WDR35: variants seen among roughly 807,000 people sequenced by gnomAD.
WDR35 encodes WD repeat domain 35, also known as WD repeat-containing protein 35.
WDR35 carries 118 observed loss-of-function variants against 158.3 expected under a neutral mutation model. The ratio of observed to expected loss-of-function variants is 0.75; its 90% CI spans 0.64 to 0.87. The LOEUF is 0.87. WDR35 is among the 40% of genes least tolerant of loss of function. The probability of loss-of-function intolerance (pLI) is 0.00; values close to 1 mark genes in which losing one functional copy is unlikely to be tolerated. For synonymous variants in WDR35, 448 were observed against 476.1 expected (o/e 0.94, Z 0.77); for missense variants, 1,263 against 1,405.8 (o/e 0.90, Z 1.62).
intron 4 of WDR35, among the ~76,000 whole-genome samples, chr2:19,980,415 T>TA (rs1477389638): frequency 6.6e-6 from 1 of 152,150 alleles, no homozygotes; most frequent in African/African-American, 2.4e-5. Context: ...AAAAAAGACT[T>TA]ATCTCAAGTA....
chr2:19,935,820 C>A (rs958615775), intron 20 of WDR35, among the ~76,000 whole-genome samples: 2 of 151,934 alleles, frequency 1.3e-5, no homozygotes, highest in South Asian at 2.1e-4. Context: ...GAAATACCAC[C>A]GCTTTACTCC....
chr2:19,972,179 G>A (rs1195304399), intron 8 of WDR35, among the ~76,000 whole-genome samples: 4 of 152,098 alleles, frequency 2.6e-5, no homozygotes, highest in Non-Finnish European at 1.5e-5. Flanking sequence ...CTTCCATCCA[G>A]GTTATCTTTC....
intron 2 of WDR35, among the ~76,000 whole-genome samples, chr2:19,984,509 A>G (rs544620554): frequency 6.6e-6 from 1 of 152,384 alleles, no homozygotes; most frequent in African/African-American, 2.4e-5. Context: ...CTTGGATTTA[A>G]AAGGCATAAT....
chr2:19,981,432 A>C (rs1410550067), intron 3 of WDR35, among the ~76,000 whole-genome samples: 2 of 152,216 alleles, frequency 1.3e-5, no homozygotes, highest in Non-Finnish European at 2.9e-5. Flanking sequence ...TGTCCAAATA[A>C]TGTCCTTTAT....
chr2:19,970,346 C>T (rs775276413), intron 8 of WDR35, among the ~76,000 whole-genome samples: 8 of 152,168 alleles, frequency 5.3e-5, no homozygotes, highest in Admixed American at 2.6e-4. Flanking sequence ...TCACAACCAA[C>T]GAGTCACCAA....
At chr2:19,939,356 T>A (rs550979595) in intron 17 of WDR35, among the ~76,000 whole-genome samples, 2 of 152,304 alleles carry the variant, frequency 1.3e-5, no homozygotes, top group East Asian at 3.9e-4. Context: ...AAGAATGTTA[T>A]CTTTTAGAGT....
chr2:19,988,174 A>C (rs540245044), intron 2 of WDR35, among the ~76,000 whole-genome samples: 25 of 152,300 alleles, frequency 1.6e-4, no homozygotes, highest in African/African-American at 5.8e-4. Context: ...CAGAGCCTCA[A>C]TTTTCTCACC....
chr2:19,940,880 G>A (rs971589282), intron 17 of WDR35, among the ~76,000 whole-genome samples: 1 of 152,114 alleles, frequency 6.6e-6, no homozygotes, highest in African/African-American at 2.4e-5. Context: ...TTTCATTATG[G>A]AAGATACATT....
rs1341235163 is a variant in WDR35 at position 19,935,461 on chromosome 2, C to A, written c.2547+10G>T. ...TAACAATTCCAAAAACTAAAATTTG[C>A]AATACCTACTGGAAGTAACTTGTGG... On this transcript the variant is annotated intron_variant, in intron 21 of 26. Coordinates refer to ENST00000281405, the MANE Select transcript of WDR35 (RefSeq NM_020779.4). The A allele has an allele frequency of 3.7e-6, 6 of 1,611,860 alleles. No individual in the cohort carries two copies. Among genetic ancestry groups the A allele is most frequent in the Non-Finnish European group, 5.1e-6 (6 of 1,179,130 alleles).
chr2:19,943,571 T>C (rs1397569296), intron 16 of WDR35, among the ~76,000 whole-genome samples: 2 of 152,064 alleles, frequency 1.3e-5, no homozygotes, highest in Non-Finnish European at 2.9e-5. Flanking sequence ...AATATGTATA[T>C]ATAAGAGCAT....
chr2:19,953,818 GT>G lies in WDR35; in HGVS notation c.1400+15del. On this transcript the variant is annotated intron_variant, in intron 12 of 26. Coordinates refer to ENST00000281405, the MANE Select transcript of WDR35 (RefSeq NM_020779.4). The stretch of plus-strand genomic sequence containing the variant: ...ATATGGTTGAGCTACTAAAAAGTAT[GT>G]ATCAAAAGATATACCTTTCTCTCCC... The G allele has an allele frequency of 6.2e-7, 1 of 1,613,918 alleles. No homozygotes were observed. Among genetic ancestry groups the G allele is most frequent in the Non-Finnish European group, 8.5e-7 (1 of 1,179,956 alleles).
At chr2:19,937,616 C>T (rs1443439752) in intron 19 of WDR35, 127 bp downstream of exon 19, 1 of 1,284,994 alleles carries the variant, frequency 7.8e-7, no homozygotes, top group Non-Finnish European at 1.1e-6. Flanking sequence ...AGGTTGTAAT[C>T]CAAACTTAAA....
intron 25 of WDR35, among the ~76,000 whole-genome samples, chr2:19,919,382 A>T (rs1346839285): frequency 3.8e-4 from 37 of 98,470 alleles, no homozygotes; most frequent in African/African-American, 1.6e-3. Context: ...CTCCATCTCA[A>T]AAAAAAAAAA....
At chr2:19,967,593 A>G in intron 9 of WDR35, among the ~76,000 whole-genome samples, 1 of 152,080 alleles carries the variant, frequency 6.6e-6, no homozygotes, top group South Asian at 2.1e-4. Context: ...TACATAAATT[A>G]TATTAAAAAT....
In WDR35 at chr2:19,966,713, GA is replaced by G. The variant is rs761958592; in HGVS notation, c.1194+10del. Reference sequence around the variant, plus strand: ...GCCCAGCTATGTCTTAAGATATCAAGAAACACCTACCTGAGGATGATTTTCA... The same window carrying G: ...GCCCAGCTATGTCTTAAGATATCAAGAACACCTACCTGAGGATGATTTTCA... On this transcript the variant is annotated intron_variant, in intron 10 of 26. Coordinates refer to ENST00000281405, the MANE Select transcript of WDR35 (RefSeq NM_020779.4). 1.2e-6 allele frequency: 2 copies of G among 1,613,214 alleles called. No individual in the cohort carries two copies. The highest frequency in any genetic ancestry group is 1.7e-6 in the Non-Finnish European group (2 of 1,179,760).
chr2:19,927,522 G>A (rs1049540500), intron 25 of WDR35, among the ~76,000 whole-genome samples: 15 of 152,324 alleles, frequency 9.8e-5, no homozygotes, highest in African/African-American at 3.6e-4. Flanking sequence ...ATAATAAGAA[G>A]TACGGCAAGA....
chr2:19,989,686 TCAG>T (rs1672687511), intron 1 of WDR35, among the ~76,000 whole-genome samples: 1 of 152,180 alleles, frequency 6.6e-6, no homozygotes, highest in Non-Finnish European at 1.5e-5. Context: ...ATCACGTGGA[TCAG>T]CAACAAGTGG....
intron 11 of WDR35, among the ~76,000 whole-genome samples, chr2:19,958,071 A>G (rs1464709151): frequency 6.6e-6 from 1 of 152,216 alleles, no homozygotes; most frequent in African/African-American, 2.4e-5. Context: ...TTCATTTCTC[A>G]GCCCTTTCAA....
chr2:19,960,437 T>G (rs1438053123), intron 11 of WDR35, 117 bp downstream of exon 11: 10 of 805,490 alleles, frequency 1.2e-5, no homozygotes, highest in Non-Finnish European at 2.0e-5. Context: ...GTAGGAAGTA[T>G]GGTCATCCTC....
Sources: gnomAD v4.1 joint callset for allele counts (sites outside exome capture counted in the v4.1 genomes callset) on GRCh38, gnomAD v4.1.1 for gene constraint, MANE v1.5 for transcripts, NCBI Gene and HGNC (gene_info 2026-07-23, HGNC 2026-07-21) for gene names.